Variants in TMEM19 observed in about 807,000 individuals in gnomAD.
TMEM19 encodes the protein transmembrane protein 19.
TMEM19 carries 21 observed loss-of-function variants against 33.6 expected under a neutral mutation model. The observed-to-expected ratio is 0.62, with a 90% confidence interval of 0.44 to 0.90. The LOEUF (loss-of-function observed/expected upper bound fraction) is 0.90. Ranked by LOEUF, TMEM19 falls within the 40% of genes least tolerant of loss-of-function variation. The probability of loss-of-function intolerance (pLI) is 0.00; values close to 1 mark genes in which losing one functional copy is unlikely to be tolerated. For missense variants in TMEM19, 402 were observed against 401.8 expected (o/e 1.00, Z 0.00); for synonymous variants, 149 against 147.5 (o/e 1.01, Z -0.07).
intron 1 of TMEM19, among the ~76,000 whole-genome samples, chr12:71,687,989 C>CA (rs551631292): frequency 1.3e-3 from 191 of 152,272 alleles, no homozygotes; most frequent in Non-Finnish European, 1.7e-3. Context: ...TAATGATTCA[C>CA]AGTGGGGCAT....
Position 71,700,860 on chromosome 12 carries a change from C to G in TMEM19, c.876C>G (p.Val292=). ...TGLDESTGMV[V]NSPTNKARHI... ...TGGATGAAAGCACTGGCATGGTGGTCAACAGCCCAACAAATAAGGCAAGGC... is the reference window on the plus strand; with the variant it reads ...TGGATGAAAGCACTGGCATGGTGGTGAACAGCCCAACAAATAAGGCAAGGC... The change falls in exon 6 of 6, where the codon GTC becomes GTG. Residue 292 remains valine, a synonymous_variant. Transcript: ENST00000266673. The G allele has an allele frequency of 6.2e-7, 1 of 1,610,006 alleles. No individual in the cohort carries two copies. The highest frequency in any genetic ancestry group is 1.1e-5 in the South Asian group (1 of 90,578).
At position 71,686,480 on chromosome 12, in the gene TMEM19, C is replaced by T; in HGVS notation, c.-201C>T. ...TGCTTTTGCGGTGAGGCGTTGACCA[C>T]GCCCATATGAATTGGAGCTCTCCGC... is the stretch of plus-strand genomic sequence containing the variant. On this transcript the variant is annotated 5_prime_UTR_variant, in exon 1 of 6. It adds an upstream start codon to the 5' untranslated region. Transcript: ENST00000266673. The T allele has an allele frequency of 2.0e-6, 1 of 497,614 alleles. No individual in the cohort carries two copies. 30.8% of individuals were successfully genotyped at this position (497,614 alleles called of 1,614,324 possible).
At chr12:71,696,630 G>T in intron 3 of TMEM19, 57 bp downstream of exon 3, 1 of 1,439,364 alleles carries the variant, frequency 6.9e-7, no homozygotes, top group Non-Finnish European at 9.3e-7. Context: ...CCTAACATAA[G>T]GTTTTTTTTT....
chr12:71,700,854 G>A lies in TMEM19; in HGVS notation c.870G>A (p.Met290Ile), dbSNP rs759021811. ...QYTGLDESTG[M>I]VVNSPTNKAR... ...CAGGGTTGGATGAAAGCACTGGCAT[G>A]GTGGTCAACAGCCCAACAAATAAGG... The change falls in exon 6 of 6, where the codon ATG (methionine) becomes ATA (isoleucine). Residue 290 changes from methionine to isoleucine, a missense_variant. Met to Ile is a conservative substitution (Grantham distance 10). Coordinates refer to ENST00000266673, the MANE Select transcript of TMEM19 (RefSeq NM_018279.4). 6.2e-7 allele frequency: 1 copy of A among 1,607,878 alleles called. No homozygotes were observed. Among genetic ancestry groups the A allele is most frequent in the South Asian group, 1.1e-5 (1 of 90,162 alleles).
chr12:71,696,251 A>G (rs1370439062), intron 2 of TMEM19, among the ~76,000 whole-genome samples, 185 bp from the exon 3 acceptor site: 1 of 152,126 alleles, frequency 6.6e-6, no homozygotes, highest in Non-Finnish European at 1.5e-5. Flanking sequence ...AAAATATGGT[A>G]AAAAATGTGT....
chr12:71,703,900 AAGTC>A lies in TMEM19; in HGVS notation c.*2906_*2909del. 8.2e-6 allele frequency: 1 copy of A among 121,316 alleles called. No individual in the cohort carries two copies. Among genetic ancestry groups the A allele is most frequent in the Non-Finnish European group, 1.7e-5 (1 of 59,144 alleles). The allele number at this position is 121,316 out of a possible 1,614,324, so 7.5% of individuals were successfully genotyped here. The stretch of plus-strand genomic sequence containing the variant: ...TCTGTCCTTTTTTTTTTTTTTTGTT[AAGTC>A]TTACATGTATTTTACTGTAACATCT... On this transcript the variant is annotated 3_prime_UTR_variant, in exon 6 of 6. Coordinates refer to ENST00000266673, the MANE Select transcript of TMEM19 (RefSeq NM_018279.4).
In TMEM19 at chr12:71,686,427, G is replaced by C; in HGVS notation, c.-254G>C. 2.9e-6 allele frequency: 1 copy of C among 345,070 alleles called. No individual in the cohort carries two copies. Among genetic ancestry groups the C allele is most frequent in the South Asian group, 3.0e-5 (1 of 33,192 alleles). The allele number at this position is 345,070 out of a possible 1,614,324, so 21.4% of individuals were successfully genotyped here. A position where few individuals can be genotyped will look rare whatever the true frequency, so the allele number is the denominator to read the frequency against. On this transcript the variant is annotated 5_prime_UTR_variant, in exon 1 of 6. Coordinates refer to ENST00000266673, the MANE Select transcript of TMEM19 (RefSeq NM_018279.4). ...CTGAAGCGGCCGGCAGCCGGCGACC[G>C]GCCCTCACCGTCCGCCGGGTTGCGC...
In TMEM19 at chr12:71,704,054, G is replaced by A. The variant is rs1241054087; in HGVS notation, c.*3059G>A. On this transcript the variant is annotated 3_prime_UTR_variant, in exon 6 of 6. Coordinates refer to ENST00000266673, the MANE Select transcript of TMEM19 (RefSeq NM_018279.4). ...GCATAATAAAACTGCCTACCTAGCA[G>A]CATAAAGGTGTACTGTTTCTTATCA... 2.2e-6 allele frequency: 1 copy of A among 447,512 alleles called. No individual in the cohort carries two copies. The allele number at this position is 447,512 out of a possible 1,614,324, so 27.7% of individuals were successfully genotyped here.
intron 5 of TMEM19, 77 bp downstream of exon 5, chr12:71,699,186 AT>A: frequency 6.7e-7 from 1 of 1,486,540 alleles, no homozygotes; most frequent in Non-Finnish European, 9.4e-7. Flanking sequence ...AATGTTAACA[AT>A]GAAAACAAAT....
At chr12:71,689,892 T>C (rs1320942951) in intron 2 of TMEM19, among the ~76,000 whole-genome samples, 188 bp downstream of exon 2, 1 of 152,224 alleles carries the variant, frequency 6.6e-6, no homozygotes, top group Non-Finnish European at 1.5e-5. Context: ...CGTACACTTT[T>C]AGTGTAACAT....
intron 4 of TMEM19, 104 bp from the exon 5 acceptor site, chr12:71,698,796 T>G (rs1262721083): frequency 4.1e-6 from 4 of 970,698 alleles, no homozygotes; most frequent in Admixed American, 2.2e-5. Flanking sequence ...TTAAAGAGAA[T>G]GCTTTCTTTA....
At chr12:71,691,748 A>G (rs1355090811) in intron 2 of TMEM19, among the ~76,000 whole-genome samples, 10 of 151,852 alleles carry the variant, frequency 6.6e-5, no homozygotes, top group Non-Finnish European at 1.0e-4. Flanking sequence ...AAAAGAAAAA[A>G]AAAAAAAGCT....
intron 2 of TMEM19, among the ~76,000 whole-genome samples, chr12:71,691,816 C>T (rs530946315): frequency 6.6e-6 from 1 of 151,604 alleles, no homozygotes; most frequent in East Asian, 1.9e-4. Context: ...TCAAGTCCTT[C>T]TTGAAATTCT....
chr12:71,698,824 T>C, intron 4 of TMEM19, 76 bp from the exon 5 acceptor site: 2 of 1,289,602 alleles, frequency 1.6e-6, no homozygotes, highest in Admixed American at 1.8e-5. Flanking sequence ...CTTGATTAGA[T>C]AGGTACCTTG....
chr12:71,699,241 G>A, intron 5 of TMEM19, 132 bp downstream of exon 5: 1 of 903,688 alleles, frequency 1.1e-6, no homozygotes, highest in South Asian at 1.7e-5. Context: ...ATAGGGCAAA[G>A]TCTCTTTCAC....
intron 4 of TMEM19, among the ~76,000 whole-genome samples, chr12:71,698,379 A>G (rs1268169820): frequency 6.6e-6 from 1 of 152,188 alleles, no homozygotes; most frequent in East Asian, 1.9e-4. Flanking sequence ...TTTATTATTT[A>G]TATCTTATAA....
rs531719951 is a variant in TMEM19 at position 71,703,164 on chromosome 12, GA to G, written c.*2170del. On this transcript the variant is annotated 3_prime_UTR_variant, in exon 6 of 6. Transcript: ENST00000266673. The stretch of plus-strand genomic sequence containing the variant: ...TGTACTCCAGCCTGGGCAACAGAGG[GA>G]GACTCCATCTAGACTCCATCTCAAA... 1.2e-3 allele frequency: 126 copies of G among 109,256 alleles called. 1 individual carries two copies. The highest frequency in any genetic ancestry group is 4.1e-3 in the African/African-American group (118 of 28,462). 6.8% of individuals were successfully genotyped at this position (109,256 alleles called of 1,614,324 possible). A position where few individuals can be genotyped will look rare whatever the true frequency, so the allele number is the denominator to read the frequency against.
chr12:71,697,572 A>C (rs1431333894), intron 4 of TMEM19, 38 bp downstream of exon 4: 1 of 1,539,712 alleles, frequency 6.5e-7, no homozygotes, highest in African/African-American at 1.4e-5. Flanking sequence ...TGGTAGACAC[A>C]GTTGGTGAGT....
Position 71,703,531 on chromosome 12 carries a change from G to C in TMEM19, c.*2536G>C, listed in dbSNP as rs144283203. 52 of 152,518 alleles carry C rather than the reference G, an allele frequency of 3.4e-4. No homozygotes were observed. The highest frequency in any genetic ancestry group is 2.6e-3 in the Admixed American group (40 of 15,314). The allele number at this position is 152,518 out of a possible 1,614,324, so 9.4% of individuals were successfully genotyped here. A position where few individuals can be genotyped will look rare whatever the true frequency, so the allele number is the denominator to read the frequency against. On this transcript the variant is annotated 3_prime_UTR_variant, in exon 6 of 6. Coordinates refer to ENST00000266673, the MANE Select transcript of TMEM19 (RefSeq NM_018279.4). Reference sequence around the variant, plus strand: ...ATTGGGACTGTCTTTGAATTTAGTAGAATCACTGTATCATTAACAGTTTGG... The same window carrying C: ...ATTGGGACTGTCTTTGAATTTAGTACAATCACTGTATCATTAACAGTTTGG...
Sources: allele counts gnomAD v4.1 joint callset (sites outside exome capture counted in the v4.1 genomes callset), GRCh38; gene constraint gnomAD v4.1.1; transcripts MANE v1.5; gene names NCBI Gene and HGNC (gene_info 2026-07-23, HGNC 2026-07-21).